The following ANXA6 variants were observed in gnomAD, a reference collection of about 807,000 sequenced individuals.
ANXA6 encodes annexin A6.
A neutral mutation model predicts 95.4 loss-of-function variants in ANXA6; 71 were observed. That is an observed-to-expected ratio of 0.74 (90% CI 0.61 to 0.91). ANXA6 has a LOEUF of 0.91. ANXA6 is among the 40% of genes least tolerant of loss of function. The probability of loss-of-function intolerance (pLI) is 0.00; values close to 1 mark genes in which losing one functional copy is unlikely to be tolerated. For synonymous variants in ANXA6, 289 were observed against 315.9 expected, an observed-to-expected ratio of 0.91 and a Z score of 0.90; for missense variants, 830 against 876.4, an observed-to-expected ratio of 0.95 and a Z score of 0.67.
intron 15 of ANXA6, 90 bp from the exon 16 acceptor site, chr5:151,123,101 T>C (rs2113917721): frequency 8.6e-7 from 1 of 1,157,002 alleles, no homozygotes; most frequent in Non-Finnish European, 1.3e-6. Flanking sequence ...TCATCGATCT[T>C]TGTCAGGGTA....
Position 151,109,688 on chromosome 5 carries a change from G to C in ANXA6, c.1684+65C>G, listed in dbSNP as rs1383025561. The C allele has an allele frequency of 9.1e-6, 12 of 1,311,596 alleles. No individual in the cohort carries two copies. The Admixed American group carries it at 2.3e-4, about 25-fold the overall frequency. 81.2% of individuals were successfully genotyped at this position (1,311,596 alleles called of 1,614,324 possible). A position where few individuals can be genotyped will look rare whatever the true frequency, so the allele number is the denominator to read the frequency against. The stretch of plus-strand genomic sequence containing the variant: ...CGGGCTCCTCTTGCCACAGAGAGCT[G>C]AGAGGCTCTCATCAGATTCTGGGAT... On this transcript the variant is annotated intron_variant, in intron 22 of 25. Transcript: ENST00000354546.
In ANXA6 at chr5:151,105,250, T is replaced by A. The variant is rs756879379; in HGVS notation, c.1834A>T (p.Met612Leu). 6.8e-6 allele frequency: 11 copies of A among 1,613,772 alleles called. No homozygotes were observed. Among genetic ancestry groups the A allele is most frequent in the Non-Finnish European group, 9.3e-6 (11 of 1,179,764 alleles). Residue 612 changes from methionine to leucine, a missense_variant, in exon 24 of 26, where the codon ATG (methionine) becomes TTG (leucine). Met to Leu is a conservative substitution (Grantham distance 15, BLOSUM62 2). Transcript: ENST00000354546. ...LFFADKLYKS[M>L]KGAGTDEKTL... ...ACGCCAGCATGTTTTCTTACCTTCA[T>A]GGATTTGTAAAGTTTGTCGGCAAAG...
chr5:151,141,388 C>A, intron 2 of ANXA6: 1 of 543,468 alleles, frequency 1.8e-6, no homozygotes, highest in Non-Finnish European at 2.3e-6. Flanking sequence ...GACAGACAAG[C>A]ACATCAATTA....
At chr5:151,123,075 G>A (rs548722492) in intron 15 of ANXA6, 64 bp from the exon 16 acceptor site, 89 of 1,326,980 alleles carry the variant, frequency 6.7e-5, no homozygotes, top group African/African-American at 2.0e-4. Flanking sequence ...CCCATGCACC[G>A]CCCACTGATG....
chr5:151,123,737 C>T (rs1184386456), intron 15 of ANXA6, among the ~76,000 whole-genome samples: 1 of 152,166 alleles, frequency 6.6e-6, no homozygotes, highest in African/African-American at 2.4e-5. Context: ...AAAGCCAAAC[C>T]CTAGATGGCC....
intron 22 of ANXA6, 54 bp downstream of exon 22, chr5:151,109,699 A>T: frequency 1.4e-6 from 2 of 1,411,644 alleles, no homozygotes; most frequent in Non-Finnish European, 2.0e-6. Flanking sequence ...AGAGGCTCTC[A>T]TCAGATTCTG....
intron 12 of ANXA6, 72 bp from the exon 13 acceptor site, chr5:151,128,311 TGCACA>T: frequency 7.6e-7 from 1 of 1,319,752 alleles, no homozygotes; most frequent in Non-Finnish European, 1.1e-6. Context: ...GTGAAGGTTC[TGCACA>T]GCCTGAAAGA....
Position 151,133,100 on chromosome 5 carries a change from G to A in ANXA6, c.634C>T (p.Arg212Trp), listed in dbSNP as rs1386905312. The change falls in exon 9 of 26, where the codon CGG becomes TGG. Residue 212 changes from arginine (R) to tryptophan (W), a missense_variant. Coordinates refer to ENST00000354546, the MANE Select transcript of ANXA6 (RefSeq NM_001155.5). Reference sequence around the variant, plus strand: ...GGTCTTCTCTGGAGCTTACCCAACCGAAGATGCTGCTTGCTGCGATTTCCC... The same window carrying A: ...GGTCTTCTCTGGAGCTTACCCAACCAAAGATGCTGCTTGCTGCGATTTCCC... ...ILGNRSKQHL[R>W]LVFDEYLKTT... The A allele has an allele frequency of 1.3e-5, 20 of 1,593,046 alleles. No homozygotes were observed. Among genetic ancestry groups the A allele is most frequent in the East Asian group, 1.1e-4 (5 of 44,226 alleles).
In ANXA6 at chr5:151,101,335, T is replaced by TCCCCCCCCCCCCC; in HGVS notation, c.*112_*113insGGGGGGGGGGGGG. On this transcript the variant is annotated 3_prime_UTR_variant, in exon 26 of 26. Coordinates refer to ENST00000354546, the MANE Select transcript of ANXA6 (RefSeq NM_001155.5). ...GAAGATAAGAGCCCAACCCAACCCC[T>TCCCCCCCCCCCCC]CCCCCCACCCCTGCCCCTTCCTTAG... 6.5e-6 allele frequency: 1 copy of TCCCCCCCCCCCCC among 153,036 alleles called. No homozygotes were observed. The allele number at this position is 153,036 out of a possible 1,614,324, so 9.5% of individuals were successfully genotyped here.
At chr5:151,116,611 GT>G (rs1765006514) in intron 20 of ANXA6, among the ~76,000 whole-genome samples, 1 of 152,236 alleles carries the variant, frequency 6.6e-6, no homozygotes, top group Non-Finnish European at 1.5e-5. Context: ...CACTGATCAT[GT>G]GTTACTTTGG....
chr5:151,144,298 A>T (rs1178508362), intron 2 of ANXA6, among the ~76,000 whole-genome samples: 2 of 152,234 alleles, frequency 1.3e-5, no homozygotes, highest in African/African-American at 2.4e-5. Flanking sequence ...TATGTAGATT[A>T]AAAACAGTCA....
intron 1 of ANXA6, among the ~76,000 whole-genome samples, chr5:151,152,399 TCCTGA>T (rs1251207013): frequency 6.6e-6 from 1 of 152,196 alleles, no homozygotes; most frequent in Non-Finnish European, 1.5e-5. Flanking sequence ...CAAGTTCAAA[TCCTGA>T]CCATGCAAAT....
intron 25 of ANXA6, among the ~76,000 whole-genome samples, chr5:151,102,713 C>G (rs1476562614): frequency 1.3e-5 from 2 of 152,030 alleles, no homozygotes; most frequent in Non-Finnish European, 2.9e-5. Context: ...CAAAAACAAA[C>G]AAACAAACAA....
At chr5:151,144,772 GCA>G (rs1387038047) in intron 2 of ANXA6, among the ~76,000 whole-genome samples, 1 of 152,088 alleles carries the variant, frequency 6.6e-6, no homozygotes, top group Non-Finnish European at 1.5e-5. Context: ...TCGGGCTCCT[GCA>G]CAGTTCTTTG....
rs895433927 is a variant in ANXA6, at chr5:151,157,736, G to T, written c.-82C>A. ...CGCACGGGCGCAGGGACTCGAGGAC[G>T]CAGCGCTCGCTGGATCGGAGCCCGT... On this transcript the variant is annotated 5_prime_UTR_variant, in exon 1 of 26. Coordinates refer to ENST00000354546, the MANE Select transcript of ANXA6 (RefSeq NM_001155.5). The T allele has an allele frequency of 3.3e-5, 5 of 152,700 alleles. No individual in the cohort carries two copies. The allele number at this position is 152,700 out of a possible 1,614,324, so 9.5% of individuals were successfully genotyped here.
chr5:151,102,446 G>A (rs1337257367), intron 25 of ANXA6, among the ~76,000 whole-genome samples: 1 of 152,176 alleles, frequency 6.6e-6, no homozygotes, highest in Admixed American at 6.6e-5. Flanking sequence ...GCTCACACCT[G>A]TAATCCCAGC....
intron 23 of ANXA6, 102 bp from the exon 24 acceptor site, chr5:151,105,405 G>A: frequency 1.0e-6 from 1 of 992,904 alleles, no homozygotes; most frequent in Non-Finnish European, 1.6e-6. Flanking sequence ...ATCCCTGCAT[G>A]GGTCTGCAGA....
intron 17 of ANXA6, 31 bp from the exon 18 acceptor site, chr5:151,119,421 C>T (rs1246336206): frequency 6.2e-7 from 1 of 1,600,510 alleles, no homozygotes; most frequent in Non-Finnish European, 8.6e-7. Flanking sequence ...TGATCTCAGC[C>T]ATAGTTCTGA....
intron 14 of ANXA6, among the ~76,000 whole-genome samples, chr5:151,125,077 C>A (rs1326475598): frequency 6.6e-6 from 1 of 152,192 alleles, no homozygotes; most frequent in Non-Finnish European, 1.5e-5. Flanking sequence ...ATTAATGAGG[C>A]TTGGCACAAT....
Sources: allele counts gnomAD v4.1 joint callset (sites outside exome capture counted in the v4.1 genomes callset), GRCh38; gene constraint gnomAD v4.1.1; transcripts MANE v1.5; gene names NCBI Gene and HGNC (gene_info 2026-07-23, HGNC 2026-07-21).